Variants in ADD3 observed in about 807,000 individuals in gnomAD.
ADD3 encodes adducin 3, also known as gamma-adducin.
A neutral mutation model predicts 80.2 loss-of-function variants in ADD3; 25 were observed. The ratio of observed to expected loss-of-function variants is 0.31; its 90% CI spans 0.23 to 0.44. The LOEUF is 0.44. Among genes scored for constraint, ADD3 ranks in the 20% least tolerant of loss-of-function variants. The pLI is 1.00. For synonymous variants in ADD3, 284 were observed against 289.6 expected, an observed-to-expected ratio of 0.98 and a Z score of 0.20; for missense variants, 829 against 847.5, an observed-to-expected ratio of 0.98 and a Z score of 0.27.
intron 1 of ADD3, among the ~76,000 whole-genome samples, chr10:110,083,644 G>A (rs1387837382): frequency 6.6e-6 from 1 of 152,072 alleles, no homozygotes; most frequent in African/African-American, 2.4e-5. Flanking sequence ...CTTTCCTATC[G>A]TTTTTTCAGG....
chr10:110,119,253 T>C lies in ADD3; in HGVS notation c.760T>C (p.Ser254Pro). The C allele has an allele frequency of 6.2e-7, 1 of 1,613,952 alleles. No individual in the cohort carries two copies. The highest frequency in any genetic ancestry group is 1.1e-5 in the South Asian group (1 of 91,074). ...TGGGATCCTTCCAATTTCTCAAGAGTCTCTTCTTCTGGGAGATGTTGCCTA... is the reference window on the plus strand; with the variant it reads ...TGGGATCCTTCCAATTTCTCAAGAGCCTCTTCTTCTGGGAGATGTTGCCTA... ...KCGILPISQE[S>P]LLLGDVAYYD... Residue 254 changes from serine (S) to proline (P), a missense_variant, in exon 7 of 15, where the codon TCT (serine) becomes CCT (proline). By Grantham distance (74) the Ser-to-Pro change is moderately conservative. Transcript: ENST00000356080.
In ADD3 at chr10:110,124,027, C is replaced by T. The variant is rs2134170121; in HGVS notation, c.1154C>T (p.Thr385Ile). 6.2e-7 allele frequency: 1 copy of T among 1,614,086 alleles called. No individual in the cohort carries two copies. Among genetic ancestry groups the T allele is most frequent in the African/African-American group, 1.3e-5 (1 of 75,046 alleles). The part of the protein sequence containing the change: ...MRTLDNLGYR[T>I]GYAYRHPLIR... ...TTTTCCCTCCCTTAGGGGTATAGAA[C>T]AGGCTATGCTTACAGGCATCCTCTC... Residue 385 changes from threonine to isoleucine, a missense_variant, in exon 10 of 15, where the codon ACA (threonine) becomes ATA (isoleucine). Coordinates refer to ENST00000356080, the MANE Select transcript of ADD3 (RefSeq NM_016824.5).
intron 1 of ADD3, among the ~76,000 whole-genome samples, chr10:110,053,736 A>G (rs1857795115): frequency 6.6e-6 from 1 of 152,190 alleles, no homozygotes; most frequent in Non-Finnish European, 1.5e-5. Context: ...AGAGTAGGTA[A>G]AATTCCCCTA....
Position 110,118,483 on chromosome 10 carries a change from A to G in ADD3, c.568-104A>G, listed in dbSNP as rs958823922. On this transcript the variant is annotated intron_variant, in intron 5 of 14. Coordinates refer to ENST00000356080, the MANE Select transcript of ADD3 (RefSeq NM_016824.5). ...GCCCACAAAGTCCAAAATATTTGCT[A>G]TCTGACCTTTTACAAAAAGGTTTGC... 6 of 938,088 alleles carry G rather than the reference A, an allele frequency of 6.4e-6. No individual in the cohort carries two copies. In the African/African-American group the frequency reaches 6.5e-5, roughly 10 times the overall value. 58.1% of individuals were successfully genotyped at this position (938,088 alleles called of 1,614,324 possible). A position where few individuals can be genotyped will look rare whatever the true frequency, so the allele number is the denominator to read the frequency against.
intron 1 of ADD3, among the ~76,000 whole-genome samples, chr10:110,026,282 G>GTTT (rs11395254): frequency 0.036 from 4,890 of 135,624 alleles, 360 homozygotes; most frequent in African/African-American, 0.13. Flanking sequence ...CAGTTTTCTT[G>GTTT]TTTTTTTTTT....
At chr10:110,038,828 A>G (rs1469231728) in intron 1 of ADD3, among the ~76,000 whole-genome samples, 1 of 152,254 alleles carries the variant, frequency 6.6e-6, no homozygotes, top group Non-Finnish European at 1.5e-5. Context: ...AAGTGTTAGT[A>G]ACTACACACA....
chr10:110,077,638 T>C (rs1170341942), intron 1 of ADD3, among the ~76,000 whole-genome samples: 1 of 152,234 alleles, frequency 6.6e-6, no homozygotes, highest in Non-Finnish European at 1.5e-5. Context: ...TGGGGCAGGC[T>C]GCAGCCCAAA....
At position 110,086,472 on chromosome 10, in the gene ADD3, A is replaced by T. The variant is rs545392719; in HGVS notation, c.-29-14153A>T. Among the ~76,000 whole-genome samples the T allele has an allele frequency of 7.6e-4, 116 of 152,290 alleles. 3 individuals carry two copies. In the South Asian group the frequency reaches 0.023, roughly 31 times the overall value. On this transcript the variant is annotated intron_variant, in intron 1 of 14. Transcript: ENST00000356080. ...GGATTTGTGTCCCCACGCAAATCTC[A>T]TATTAAATTGTGATTCCAAGTATTG...
intron 1 of ADD3, among the ~76,000 whole-genome samples, chr10:109,999,952 A>C (rs61881587): frequency 6.7e-6 from 1 of 148,844 alleles, no homozygotes; most frequent in Non-Finnish European, 1.5e-5. Flanking sequence ...CAGAGTCTCA[A>C]TGTGACACCC....
intron 2 of ADD3, among the ~76,000 whole-genome samples, chr10:110,101,372 C>T (rs897901398): frequency 1.3e-5 from 2 of 152,126 alleles, no homozygotes; most frequent in Non-Finnish European, 2.9e-5. Flanking sequence ...CAGTGGCTCA[C>T]AGTGTAATCC....
intron 1 of ADD3, among the ~76,000 whole-genome samples, chr10:110,030,390 C>T (rs17126969): frequency 0.022 from 3,290 of 150,530 alleles, 143 homozygotes; most frequent in African/African-American, 0.071. Context: ...TTTCTGAAAC[C>T]TTCTGACAGC....
chr10:110,058,193 G>A (rs1167582755), intron 1 of ADD3, among the ~76,000 whole-genome samples: 2 of 151,882 alleles, frequency 1.3e-5, no homozygotes, highest in Non-Finnish European at 2.9e-5. Context: ...TTTTGAGGAG[G>A]GAGATTTCTT....
At chr10:110,046,795 A>G (rs1213809387) in intron 1 of ADD3, among the ~76,000 whole-genome samples, 2 of 152,236 alleles carry the variant, frequency 1.3e-5, no homozygotes, top group African/African-American at 4.8e-5. Context: ...GTTGCTTTAA[A>G]AATAGTAGCT....
At chr10:110,018,274 T>C (rs949011989) in intron 1 of ADD3, among the ~76,000 whole-genome samples, 2 of 152,080 alleles carry the variant, frequency 1.3e-5, no homozygotes, top group African/African-American at 4.8e-5. Flanking sequence ...ACGCCTGTAA[T>C]CCCAGCACTT....
chr10:110,004,661 A>C (rs1308558709), upstream of ADD3, among the ~76,000 whole-genome samples: 1 of 152,032 alleles, frequency 6.6e-6, no homozygotes, highest in African/African-American at 2.4e-5. Flanking sequence ...TAGGGAACTA[A>C]GAACCAAATA....
At chr10:110,115,594 G>C (rs948151144) in intron 3 of ADD3, among the ~76,000 whole-genome samples, 1 of 152,204 alleles carries the variant, frequency 6.6e-6, no homozygotes, top group African/African-American at 2.4e-5. Context: ...GGGAACAGAT[G>C]AACTTGTTAA....
chr10:110,104,434 C>T (rs979209335), intron 2 of ADD3, among the ~76,000 whole-genome samples: 2 of 152,190 alleles, frequency 1.3e-5, no homozygotes. Context: ...TTTAGGGGTG[C>T]AAAGGCCCCT....
chr10:110,122,038 C>A (rs1851571768), intron 8 of ADD3, 72 bp from the exon 9 acceptor site: 11 of 1,368,030 alleles, frequency 8.0e-6, no homozygotes, highest in Non-Finnish European at 1.1e-5. Flanking sequence ...GAAATTGTGC[C>A]TTTTTGAAAG....
intron 1 of ADD3, among the ~76,000 whole-genome samples, chr10:109,998,912 T>C (rs757643426): frequency 4.6e-5 from 7 of 152,074 alleles, no homozygotes; most frequent in Non-Finnish European, 1.0e-4. Flanking sequence ...AATTACCTTA[T>C]TTATTGATTT....
Sources: allele counts gnomAD v4.1 joint callset (sites outside exome capture counted in the v4.1 genomes callset), GRCh38; gene constraint gnomAD v4.1.1; transcripts MANE v1.5; gene names NCBI Gene and HGNC (gene_info 2026-07-23, HGNC 2026-07-21).